Variants in CELF5 observed in about 807,000 individuals in gnomAD.
CELF5 encodes the protein CUGBP Elav-like family member 5.
Under a neutral mutation model 54.9 loss-of-function variants are expected in CELF5, and 6 were observed. The observed-to-expected ratio is 0.11, with a 90% CI of 0.06 to 0.22. The LOEUF is 0.22. Among genes scored for constraint, CELF5 ranks in the 10% least tolerant of loss-of-function variants. CELF5 has a pLI of 1.00. For synonymous variants in CELF5, 271 were observed against 290.9 expected, an observed-to-expected ratio of 0.93 and a Z score of 0.70; for missense variants, 401 against 678.6, an observed-to-expected ratio of 0.59 and a Z score of 4.54.
intron 4 of CELF5, among the ~76,000 whole-genome samples, chr19:3,277,008 G>A (rs1027674487): frequency 6.6e-6 from 1 of 152,142 alleles, no homozygotes; most frequent in Non-Finnish European, 1.5e-5. Flanking sequence ...TGACTGACTG[G>A]TGGTCTCTGG....
Position 3,282,648 on chromosome 19 carries a change from C to T in CELF5, c.1039+150C>T, listed in dbSNP as rs2080173001. On this transcript the variant is annotated intron_variant, in intron 8 of 12. Transcript: ENST00000292672. This position sits in a 1 kb window ranked among gnomAD's most constrained non-coding sequence, Gnocchi z 5.2. ...CCGCTGAGCAGATAAGAGCTGTGGA[C>T]ACAGGAAGGGAGGCCGTGGCAGGGT... 8 of 881,660 alleles carry T rather than the reference C, an allele frequency of 9.1e-6. No homozygotes were observed. In the East Asian group the frequency reaches 1.8e-4, roughly 20 times the overall value. The allele number at this position is 881,660 out of a possible 1,614,324, so 54.6% of individuals were successfully genotyped here.
chr19:3,252,483 C>T lies in CELF5; in HGVS notation c.342+1416C>T, dbSNP rs368527320. 9.8e-5 allele frequency among the ~76,000 whole-genome samples: 15 copies of T among 152,296 alleles called. No individual in the cohort carries two copies. The Middle Eastern group carries it at 0.014, about 138-fold the overall frequency. On this transcript the variant is annotated intron_variant, in intron 2 of 12. Coordinates refer to ENST00000292672, the MANE Select transcript of CELF5 (RefSeq NM_021938.4). ...AGACTGAAGGAACCACAGTGAGCCACGGCGCCCCACCTTGTGAGCTCTGGG... is the reference window on the plus strand; with the variant it reads ...AGACTGAAGGAACCACAGTGAGCCATGGCGCCCCACCTTGTGAGCTCTGGG...
intron 8 of CELF5, among the ~76,000 whole-genome samples, chr19:3,284,113 G>A (rs991799971): frequency 7.0e-6 from 1 of 143,812 alleles, no homozygotes; most frequent in African/African-American, 2.5e-5. Flanking sequence ...CTCCCAAAGT[G>A]TTGGGATCAC....
At chr19:3,286,233 C>A (rs1445592402) in intron 10 of CELF5, 2 of 507,498 alleles carry the variant, frequency 3.9e-6, no homozygotes, top group East Asian at 7.0e-5. Flanking sequence ...GAGAACCATG[C>A]TCGCCCCGAC....
At chr19:3,290,974 T>A (rs1279353938) in intron 11 of CELF5, among the ~76,000 whole-genome samples, 2 of 151,552 alleles carry the variant, frequency 1.3e-5, no homozygotes, top group Non-Finnish European at 2.9e-5. Flanking sequence ...ACAACCTTTT[T>A]AATTAGCTGA....
chr19:3,267,405 T>A (rs933462173), intron 2 of CELF5, among the ~76,000 whole-genome samples: 1 of 152,186 alleles, frequency 6.6e-6, no homozygotes, highest in African/African-American at 2.4e-5. Context: ...CCAGAATAGA[T>A]CCTGGAATGG....
intron 4 of CELF5, among the ~76,000 whole-genome samples, chr19:3,277,421 G>A (rs536928179): frequency 1.3e-5 from 2 of 152,132 alleles, no homozygotes; most frequent in Non-Finnish European, 2.9e-5. Context: ...GCAGTGAGCC[G>A]AGATCACGCC....
intron 1 of CELF5, among the ~76,000 whole-genome samples, chr19:3,245,765 C>T (rs1425587076): frequency 6.6e-6 from 1 of 152,080 alleles, no homozygotes; most frequent in East Asian, 1.9e-4. Flanking sequence ...CATACAACAA[C>T]GGCAACAGGA....
At chr19:3,248,849 TCTTTCTTCCTTCCTTCCTTC>T (rs1213094094) in intron 1 of CELF5, among the ~76,000 whole-genome samples, 9 of 132,554 alleles carry the variant, frequency 6.8e-5, no homozygotes, top group Admixed American at 1.6e-4. Context: ...CTTTTTTCTT[TCTTTCTTCCTTCCTTCCTTC>T]CTTCCTTCCT....
intron 2 of CELF5, among the ~76,000 whole-genome samples, chr19:3,260,517 A>G (rs1406515170): frequency 6.8e-6 from 1 of 146,138 alleles, no homozygotes; most frequent in African/African-American, 2.5e-5. Flanking sequence ...TGCAGTGGCA[A>G]GATCATGGCT....
chr19:3,236,721 A>C (rs551935229), intron 1 of CELF5, among the ~76,000 whole-genome samples: 388 of 152,264 alleles, frequency 2.5e-3, no homozygotes, highest in Non-Finnish European at 4.9e-3. Flanking sequence ...GCGATGGCTC[A>C]CGCCTACAAT....
chr19:3,285,914 GC>G, intron 9 of CELF5, 27 bp from the exon 10 acceptor site: 1 of 1,417,140 alleles, frequency 7.1e-7, no homozygotes. Flanking sequence ...GCCCCTCCTC[GC>G]CCTGTGTCTC....
chr19:3,240,886 G>A (rs900692251), intron 1 of CELF5, among the ~76,000 whole-genome samples: 21 of 151,966 alleles, frequency 1.4e-4, no homozygotes, highest in Admixed American at 1.4e-3. Context: ...TCCTGGGCTG[G>A]AGACTGGAGT....
At chr19:3,260,030 G>C (rs190968499) in intron 2 of CELF5, among the ~76,000 whole-genome samples, 168 of 152,168 alleles carry the variant, frequency 1.1e-3, no homozygotes, top group Admixed American at 3.0e-3. Context: ...AAAGAAACAG[G>C]TGACATTAAT....
intron 10 of CELF5, among the ~76,000 whole-genome samples, chr19:3,289,381 C>G (rs1465833488): frequency 6.6e-6 from 1 of 151,992 alleles, no homozygotes; most frequent in Non-Finnish European, 1.5e-5. Context: ...CATAGCGAAA[C>G]CTCTACAAAA....
At chr19:3,240,097 C>T (rs2079470791) in intron 1 of CELF5, among the ~76,000 whole-genome samples, 1 of 151,822 alleles carries the variant, frequency 6.6e-6, no homozygotes, top group Admixed American at 6.6e-5. Flanking sequence ...CAAACTTTAC[C>T]TCCCAAGTTC....
chr19:3,224,665 G>A lies in CELF5; in HGVS notation c.-75G>A. The A allele has an allele frequency of 1.0e-6, 1 of 982,156 alleles. No individual in the cohort carries two copies. The highest frequency in any genetic ancestry group is 1.2e-6 in the Non-Finnish European group (1 of 828,576). The allele number at this position is 982,156 out of a possible 1,614,324, so 60.8% of individuals were successfully genotyped here. ...GCGGGGGCCCGGGAGGGAGGCGGGA[G>A]GCGCGGCCGCCGCTCCAGCTGCGAG... On this transcript the variant is annotated 5_prime_UTR_variant, in exon 1 of 13. Coordinates refer to ENST00000292672, the MANE Select transcript of CELF5 (RefSeq NM_021938.4).
intron 1 of CELF5, among the ~76,000 whole-genome samples, chr19:3,227,395 C>T (rs912255220): frequency 3.3e-5 from 5 of 152,020 alleles, no homozygotes; most frequent in African/African-American, 9.7e-5. Flanking sequence ...ACCAACATGA[C>T]CTTATTAGGG....
intron 12 of CELF5, chr19:3,296,434 G>GAAAAAAAAAAAAAAAAAAAAACAAAAA (rs2080450767): frequency 1.8e-5 from 1 of 54,862 alleles, no homozygotes; most frequent in African/African-American, 7.1e-5. Flanking sequence ...AAACCACACA[G>GAAAAAAAAAAAAAAAAAAAAACAAAAA]AAAAAAAAAA....
Sources: gnomAD v4.1 joint callset for allele counts (sites outside exome capture counted in the v4.1 genomes callset) on GRCh38, gnomAD v4.1.1 for gene constraint, Gnocchi (gnomAD v3.1) non-coding constraint, MANE v1.5 for transcripts, NCBI Gene and HGNC (gene_info 2026-07-23, HGNC 2026-07-21) for gene names.